TBC1D21: variants seen among roughly 807,000 people sequenced by gnomAD.
TBC1D21 encodes TBC1 domain family member 21.
TBC1D21 carries 38 observed loss-of-function variants against 46.0 expected under a neutral mutation model. The observed-to-expected ratio is 0.83, with a 90% CI of 0.64 to 1.08. The LOEUF (loss-of-function observed/expected upper bound fraction) is 1.08, where lower values mean the gene tolerates loss of function less well. Ranked by LOEUF, TBC1D21 falls within the 50% of genes least tolerant of loss-of-function variation. The pLI, the probability that TBC1D21 is intolerant of heterozygous loss-of-function variation, is 0.00. For missense variants in TBC1D21, 415 were observed against 417.9 expected, an observed-to-expected ratio of 0.99 and a Z score of 0.06; for synonymous variants, 151 against 157.2, an observed-to-expected ratio of 0.96 and a Z score of 0.29.
chr15:73,902,077 G>A, the TBC1D21 span, among the ~76,000 whole-genome samples: 1 of 152,174 alleles, frequency 6.6e-6, no homozygotes, highest in Non-Finnish European at 1.5e-5. Context: ...GCCTCCCAAA[G>A]TTCTGGAAAT....
At chr15:73,895,893 G>A in the TBC1D21 span, among the ~76,000 whole-genome samples, 1 of 152,274 alleles carries the variant, frequency 6.6e-6, no homozygotes, top group East Asian at 1.9e-4. Context: ...TTCTCTGCCC[G>A]GGCTCCTCAC....
intron 6 of TBC1D21, 52 bp from the exon 7 acceptor site, chr15:73,886,026 C>A: frequency 6.6e-7 from 1 of 1,522,930 alleles, no homozygotes; most frequent in Non-Finnish European, 9.1e-7. Flanking sequence ...TTGACTCTTC[C>A]GGTGCCTTGA....
chr15:73,880,845 G>C (rs1311614786), intron 1 of TBC1D21, among the ~76,000 whole-genome samples: 3 of 152,194 alleles, frequency 2.0e-5, no homozygotes. Flanking sequence ...GCTGTTTTTA[G>C]TGGGGGAGAG....
At chr15:73,898,879 AAATATAT>A in the TBC1D21 span, among the ~76,000 whole-genome samples, 1 of 112,948 alleles carries the variant, frequency 8.9e-6, no homozygotes, top group Non-Finnish European at 1.7e-5. Context: ...AAAAAAAAAA[AAATATAT>A]ATATATATAT....
chr15:73,883,585 C>T (rs1280572121), intron 3 of TBC1D21, among the ~76,000 whole-genome samples: 2 of 152,186 alleles, frequency 1.3e-5, no homozygotes, highest in Non-Finnish European at 2.9e-5. Flanking sequence ...GAAAGTCTTA[C>T]GGATCTCGTC....
the TBC1D21 span, among the ~76,000 whole-genome samples, chr15:73,896,449 T>C: frequency 6.6e-6 from 1 of 151,326 alleles, no homozygotes; most frequent in East Asian, 1.9e-4. Flanking sequence ...GTGGGGGCAA[T>C]GAAGGTCATT....
At chr15:73,888,305 T>A in intron 9 of TBC1D21, 125 bp from the exon 10 acceptor site, 1 of 745,976 alleles carries the variant, frequency 1.3e-6, no homozygotes, top group Non-Finnish European at 2.3e-6. Flanking sequence ...GGTCAGGTGG[T>A]CCCCAGCGAC....
the TBC1D21 span, among the ~76,000 whole-genome samples, chr15:73,899,456 C>T: frequency 3.3e-5 from 5 of 152,120 alleles, no homozygotes; most frequent in Non-Finnish European, 7.3e-5. Flanking sequence ...GGCCATGCTC[C>T]CACTTGATGC....
chr15:73,876,199 GTTTTTTTTTTTTTTTTTTTTTTTTTTTT>G (rs539517539), intron 1 of TBC1D21, among the ~76,000 whole-genome samples: 8,569 of 28,360 alleles, frequency 0.3, 1,190 homozygotes, highest in East Asian at 0.6. Context: ...TTTTTTGTGG[GTTTTTTTTTTTTTTTTTTTTTTTTTTTT>G]TTTTTTTTTT....
the TBC1D21 span, among the ~76,000 whole-genome samples, chr15:73,902,274 C>T: frequency 6.6e-6 from 1 of 152,214 alleles, no homozygotes; most frequent in African/African-American, 2.4e-5. Flanking sequence ...TCCTCATTGC[C>T]TTCCAAGCAT....
At chr15:73,896,583 C>T in the TBC1D21 span, among the ~76,000 whole-genome samples, 86 of 151,870 alleles carry the variant, frequency 5.7e-4, 1 homozygote, top group East Asian at 8.5e-3. Flanking sequence ...GGCTAGAGAA[C>T]GTGGCGGAAC....
chr15:73,901,797 A>G, the TBC1D21 span, among the ~76,000 whole-genome samples: 1 of 151,556 alleles, frequency 6.6e-6, no homozygotes. Flanking sequence ...TAATCTTCCC[A>G]TCTCAAGATC....
the TBC1D21 span, among the ~76,000 whole-genome samples, chr15:73,897,845 C>G: frequency 6.6e-6 from 1 of 152,218 alleles, no homozygotes; most frequent in African/African-American, 2.4e-5. Flanking sequence ...AGCCTGGGAC[C>G]AGGGGAGCCT....
At chr15:73,874,798 C>A (rs1319664882) in intron 1 of TBC1D21, among the ~76,000 whole-genome samples, 1 of 152,212 alleles carries the variant, frequency 6.6e-6, no homozygotes, top group Non-Finnish European at 1.5e-5. Context: ...CTGTGATGCA[C>A]AATTAGCTTT....
chr15:73,876,199 GTTTTTTTTTTTTT>G (rs539517539), intron 1 of TBC1D21, among the ~76,000 whole-genome samples: 7 of 28,314 alleles, frequency 2.5e-4, no homozygotes, highest in South Asian at 2.1e-3. Flanking sequence ...TTTTTTGTGG[GTTTTTTTTTTTTT>G]TTTTTTTTTT....
chr15:73,875,772 C>T (rs1172853485), intron 1 of TBC1D21, among the ~76,000 whole-genome samples: 1 of 152,196 alleles, frequency 6.6e-6, no homozygotes, highest in Admixed American at 6.5e-5. Flanking sequence ...GGAGGGTATC[C>T]AGCCCCCTCG....
Position 73,884,141 on chromosome 15 carries a change from G to A in TBC1D21, c.273-10G>A, listed in dbSNP as rs1444922264. ...AGCCACCTTGTTCAGCCTCAGTTCT[G>A]TTCTCACAGGAAGAACTACAAGGCC... On this transcript the variant is annotated splice_polypyrimidine_tract_variant and intron_variant, in intron 3 of 10. Transcript: ENST00000300504. 6.2e-7 allele frequency: 1 copy of A among 1,612,578 alleles called. No individual in the cohort carries two copies. The highest frequency in any genetic ancestry group is 1.1e-5 in the South Asian group (1 of 91,058).
chr15:73,887,522 GGCTGACTCCAGGCAC>G, intron 8 of TBC1D21, 83 bp from the exon 9 acceptor site: 1 of 959,266 alleles, frequency 1.0e-6, no homozygotes. Flanking sequence ...GCCCAGGAAT[GGCTGACTCCAGGCAC>G]GTGGTTGGTG....
the TBC1D21 span, among the ~76,000 whole-genome samples, chr15:73,901,815 TTTTG>T: frequency 2.6e-5 from 4 of 152,080 alleles, no homozygotes; most frequent in African/African-American, 9.7e-5. Flanking sequence ...ATCCCTTTTT[TTTTG>T]TTTGTTTTTT....
Sources: gnomAD v4.1 joint callset for allele counts (sites outside exome capture counted in the v4.1 genomes callset) on GRCh38, gnomAD v4.1.1 for gene constraint, MANE v1.5 for transcripts, NCBI Gene and HGNC (gene_info 2026-07-23, HGNC 2026-07-21) for gene names.